THSD4: variants seen among roughly 807,000 people sequenced by gnomAD.
THSD4 encodes the protein thrombospondin type 1 domain containing 4.
Under a neutral mutation model 119.0 loss-of-function variants are expected in THSD4, and 69 were observed. That is an observed-to-expected ratio of 0.58 (90% CI 0.48 to 0.71). The LOEUF is 0.71. THSD4 is among the 30% of genes least tolerant of loss of function. The pLI is 0.00. For missense variants in THSD4, 1,393 were observed against 1,391.1 expected (o/e 1.00, Z -0.02); for synonymous variants, 524 against 540.4 (o/e 0.97, Z 0.42).
chr15:71,414,100 C>T (rs1459673249), intron 7 of THSD4, among the ~76,000 whole-genome samples: 11 of 152,186 alleles, frequency 7.2e-5, no homozygotes, highest in Admixed American at 7.2e-4. Context: ...CATGCCTCTT[C>T]CACAGATTTA....
chr15:71,539,924 C>T (rs949098612), intron 7 of THSD4, among the ~76,000 whole-genome samples: 2 of 152,080 alleles, frequency 1.3e-5, no homozygotes, highest in African/African-American at 2.4e-5. Context: ...TTAACAATTA[C>T]AACACATCAT....
intron 7 of THSD4, among the ~76,000 whole-genome samples, chr15:71,601,536 A>C (rs2050011471): frequency 6.6e-6 from 1 of 152,226 alleles, no homozygotes. Context: ...AAATGACTGT[A>C]ATTGCACCAG....
intron 7 of THSD4, among the ~76,000 whole-genome samples, chr15:71,544,029 AAAAAAT>A (rs1002227322): frequency 5.6e-4 from 86 of 152,304 alleles, no homozygotes; most frequent in Admixed American, 5.6e-3. Context: ...ACTCCATCTC[AAAAAAT>A]AAAAATAAAA....
intron 8 of THSD4, among the ~76,000 whole-genome samples, chr15:71,661,752 A>G (rs2051313073): frequency 6.6e-6 from 1 of 152,214 alleles, no homozygotes; most frequent in African/African-American, 2.4e-5. Flanking sequence ...TAAATCAGTT[A>G]ACAATATAAG....
intron 10 of THSD4, among the ~76,000 whole-genome samples, chr15:71,736,048 GCTTT>G (rs1465290699): frequency 8.0e-6 from 1 of 125,436 alleles, no homozygotes. Flanking sequence ...CTGCTCTCTT[GCTTT>G]CTGTCTCTAT....
At chr15:71,343,387 T>C (rs2045608288) in intron 6 of THSD4, among the ~76,000 whole-genome samples, 1 of 152,228 alleles carries the variant, frequency 6.6e-6, no homozygotes, top group African/African-American at 2.4e-5. Flanking sequence ...CCATGACAGA[T>C]GACTGTAAAG....
At chr15:71,650,575 A>G (rs1302602898) in intron 7 of THSD4, among the ~76,000 whole-genome samples, 1 of 152,200 alleles carries the variant, frequency 6.6e-6, no homozygotes, top group Non-Finnish European at 1.5e-5. Context: ...CCCAGTCCCA[A>G]GGCACAAGGC....
intron 1 of THSD4, among the ~76,000 whole-genome samples, chr15:71,107,328 G>GGAAGGAAAGAAGGAAAGAAAA (rs1417130015): frequency 6.7e-6 from 1 of 149,238 alleles, no homozygotes; most frequent in African/African-American, 2.5e-5. Flanking sequence ...GTTTTTAGAA[G>GGAAGGAAAGAAGGAAAGAAAA]GAAGGAAAGA....
intron 7 of THSD4, among the ~76,000 whole-genome samples, chr15:71,635,919 C>T (rs1031962480): frequency 6.6e-6 from 1 of 152,150 alleles, no homozygotes; most frequent in Non-Finnish European, 1.5e-5. Context: ...CAAGCTTAAG[C>T]AATTTTCCCA....
chr15:71,498,536 G>C (rs2048061949), intron 7 of THSD4, among the ~76,000 whole-genome samples: 3 of 152,042 alleles, frequency 2.0e-5, no homozygotes, highest in Admixed American at 2.0e-4. Context: ...CCCATCTTCT[G>C]TCTGTCTGGA....
chr15:71,382,841 A>T (rs2046245295), intron 6 of THSD4, among the ~76,000 whole-genome samples: 1 of 152,216 alleles, frequency 6.6e-6, no homozygotes, highest in Admixed American at 6.5e-5. Context: ...ATACTGTATT[A>T]AAAAATGCAG....
chr15:71,299,370 T>C (rs1434847887), intron 6 of THSD4, among the ~76,000 whole-genome samples: 1 of 152,220 alleles, frequency 6.6e-6, no homozygotes, highest in Non-Finnish European at 1.5e-5. Flanking sequence ...ACCTCTGCTC[T>C]GAAACTTGCA....
intron 1 of THSD4, among the ~76,000 whole-genome samples, chr15:71,098,128 T>C (rs888214484): frequency 4.6e-5 from 7 of 152,086 alleles, no homozygotes; most frequent in African/African-American, 1.7e-4. Flanking sequence ...ATGTTGACTA[T>C]GTGAGCTGCG....
At chr15:71,741,563 T>A (rs564563142) in intron 11 of THSD4, among the ~76,000 whole-genome samples, 1 of 152,164 alleles carries the variant, frequency 6.6e-6, no homozygotes, top group East Asian at 1.9e-4. Context: ...TTTTGTTTAA[T>A]CTTCTGTCCT....
chr15:71,343,219 A>AGTAG (rs1306213369), intron 6 of THSD4, among the ~76,000 whole-genome samples: 5 of 152,174 alleles, frequency 3.3e-5, no homozygotes, highest in Non-Finnish European at 4.4e-5. Context: ...CCCTATCTCT[A>AGTAG]GTAGGTAGGT....
rs549886360 is a variant in THSD4, at chr15:71,699,142, A to G, written c.1358-29407A>G. ...ACTTTTGGAGGTGAGTAATGTGTTTATGGCATAGATTGTGGTGATGTCACA... is the reference window on the plus strand; with the variant it reads ...ACTTTTGGAGGTGAGTAATGTGTTTGTGGCATAGATTGTGGTGATGTCACA... On this transcript the variant is annotated intron_variant, in intron 8 of 17. Transcript: ENST00000261862. Among the ~76,000 whole-genome samples the G allele has an allele frequency of 6.0e-5, 9 of 150,096 alleles. No homozygotes were observed. The South Asian group carries it at 6.4e-4, about 11-fold the overall frequency.
At position 71,737,870 on chromosome 15, in the gene THSD4, C is replaced by T; in HGVS notation, c.1769C>T (p.Pro590Leu). The change falls in exon 11 of 18, where the codon CCA becomes CTA. Residue 590 changes from proline (P) to leucine (L), a missense_variant. Transcript: ENST00000261862. Reference protein sequence around the residue: ...MFTSESAQTFPVRHPDRFSPH... With the variant: ...MFTSESAQTFLVRHPDRFSPH... ...ACCTCAGAATCGGCACAGACCTTCC[C>T]AGTCAGGCATCCAGACAGATTTTCT... 2 of 1,614,238 alleles carry T rather than the reference C, an allele frequency of 1.2e-6. No homozygotes were observed. The highest frequency in any genetic ancestry group is 1.3e-5 in the African/African-American group (1 of 75,072).
At chr15:71,109,299 G>C (rs2040287781) in intron 1 of THSD4, among the ~76,000 whole-genome samples, 1 of 152,164 alleles carries the variant, frequency 6.6e-6, no homozygotes, top group Non-Finnish European at 1.5e-5. Flanking sequence ...TGTGGCACTA[G>C]AGCTGCATGG....
chr15:71,308,425 G>A (rs2045063251), intron 6 of THSD4, among the ~76,000 whole-genome samples: 1 of 152,168 alleles, frequency 6.6e-6, no homozygotes. Flanking sequence ...AAATATGGAA[G>A]ACAATATTTG....
Sources: allele counts gnomAD v4.1 joint callset (sites outside exome capture counted in the v4.1 genomes callset), GRCh38; gene constraint gnomAD v4.1.1; transcripts MANE v1.5; gene names NCBI Gene and HGNC (gene_info 2026-07-23, HGNC 2026-07-21).